DDX10: variants seen among roughly 807,000 people sequenced by gnomAD.
The protein encoded by DDX10 is probable ATP-dependent RNA helicase DDX10.
In DDX10, 74 loss-of-function variants were observed where a neutral mutation model predicts 104.3. That is an observed-to-expected ratio of 0.71 (90% CI 0.59 to 0.86). The LOEUF (loss-of-function observed/expected upper bound fraction) is 0.86, where lower values mean the gene tolerates loss of function less well. DDX10 is among the 40% of genes least tolerant of loss of function. The pLI is 0.00. For synonymous variants in DDX10, 351 were observed against 353.4 expected, an observed-to-expected ratio of 0.99 and a Z score of 0.08; for missense variants, 952 against 1,040.0, an observed-to-expected ratio of 0.92 and a Z score of 1.16.
intron 13 of DDX10, among the ~76,000 whole-genome samples, chr11:108,804,639 G>A (rs891665001): frequency 1.3e-5 from 2 of 152,098 alleles, no homozygotes; most frequent in Non-Finnish European, 2.9e-5. Flanking sequence ...GGTCTCATAA[G>A]GCTGCAATTA....
At chr11:108,898,422 G>A (rs909991891) in intron 16 of DDX10, among the ~76,000 whole-genome samples, 2 of 151,994 alleles carry the variant, frequency 1.3e-5, no homozygotes, top group Non-Finnish European at 2.9e-5. Flanking sequence ...GTCCCCTAGA[G>A]GGTGGAAACC....
At chr11:108,935,459 A>G (rs1321934670) in intron 17 of DDX10, among the ~76,000 whole-genome samples, 1 of 152,218 alleles carries the variant, frequency 6.6e-6, no homozygotes. Context: ...GGCAAGACCA[A>G]GTGGTGCTTG....
chr11:108,779,362 A>G (rs1410510580), intron 13 of DDX10, among the ~76,000 whole-genome samples: 2 of 152,346 alleles, frequency 1.3e-5, no homozygotes, highest in Non-Finnish European at 2.9e-5. Context: ...CAGCCATAAA[A>G]AAGGATGAGT....
At chr11:108,701,675 C>CTTTTTTTTTTTTTTTTTTTTTTTTTTTT (rs55916940) in intron 9 of DDX10, among the ~76,000 whole-genome samples, 1 of 77,392 alleles carries the variant, frequency 1.3e-5, no homozygotes, top group Non-Finnish European at 2.2e-5. Flanking sequence ...TTCTTCTTCT[C>CTTTTTTTTTTTTTTTTTTTTTTTTTTTT]TTTTTTTTTT....
chr11:108,772,896 C>G (rs983223705), intron 13 of DDX10, among the ~76,000 whole-genome samples: 1 of 152,148 alleles, frequency 6.6e-6, no homozygotes, highest in African/African-American at 2.4e-5. Context: ...AAAGGTTGGG[C>G]ATTGTTGGTA....
At chr11:108,907,047 T>C (rs1290776219) in intron 16 of DDX10, among the ~76,000 whole-genome samples, 1 of 152,240 alleles carries the variant, frequency 6.6e-6, no homozygotes, top group Non-Finnish European at 1.5e-5. Flanking sequence ...CTTCCGGTTT[T>C]GGAATATGCT....
chr11:108,732,523 G>A (rs1565261809), intron 13 of DDX10, among the ~76,000 whole-genome samples: 2 of 152,272 alleles, frequency 1.3e-5, no homozygotes, highest in East Asian at 1.9e-4. Context: ...AAATGGAGAC[G>A]AGAGGTACTG....
intron 13 of DDX10, among the ~76,000 whole-genome samples, chr11:108,815,079 A>T (rs1349784620): frequency 6.6e-6 from 1 of 152,222 alleles, no homozygotes; most frequent in Non-Finnish European, 1.5e-5. Flanking sequence ...AAATGTTGCC[A>T]TTCATTTACT....
intron 16 of DDX10, among the ~76,000 whole-genome samples, chr11:108,863,036 T>A (rs1007441994): frequency 1.3e-5 from 2 of 152,248 alleles, no homozygotes; most frequent in Admixed American, 6.5e-5. Context: ...CATATTCATT[T>A]GACTTACCTC....
rs181846475 is a variant in DDX10 at position 108,716,966 on chromosome 11, C to T, written c.1410+1000C>T. 2.0e-4 allele frequency among the ~76,000 whole-genome samples: 31 copies of T among 151,628 alleles called. No individual in the cohort carries two copies. In the East Asian group the frequency reaches 3.9e-3, roughly 19 times the overall value. ...TTAGAATATTCCACAGTAGATTCTT[C>T]GGTAAAAGATGTGAAATTATTTTTC... On this transcript the variant is annotated intron_variant, in intron 11 of 17. Transcript: ENST00000322536.
intron 8 of DDX10, 63 bp downstream of exon 8, chr11:108,692,101 A>G (rs1210986270): frequency 1.4e-6 from 2 of 1,446,062 alleles, no homozygotes; most frequent in African/African-American, 1.4e-5. Flanking sequence ...CTTATAAAGT[A>G]TATTTTGGGA....
intron 10 of DDX10, among the ~76,000 whole-genome samples, chr11:108,708,480 G>A (rs542811163): frequency 6.7e-6 from 1 of 149,652 alleles, no homozygotes; most frequent in African/African-American, 2.5e-5. Context: ...ATACCTAAAT[G>A]TTTCATTTTT....
intron 16 of DDX10, among the ~76,000 whole-genome samples, chr11:108,884,410 T>G (rs1199731774): frequency 6.6e-6 from 1 of 152,144 alleles, no homozygotes; most frequent in Non-Finnish European, 1.5e-5. Context: ...CTCTGCCTGC[T>G]TCCCTCCTCC....
At chr11:108,845,150 G>A (rs1037458055) in intron 15 of DDX10, among the ~76,000 whole-genome samples, 2 of 152,182 alleles carry the variant, frequency 1.3e-5, no homozygotes, top group Non-Finnish European at 2.9e-5. Flanking sequence ...GGAGCTTGCA[G>A]TGAGCCGAGA....
intron 13 of DDX10, among the ~76,000 whole-genome samples, chr11:108,789,734 C>A (rs1313786262): frequency 6.6e-6 from 1 of 152,128 alleles, no homozygotes; most frequent in Non-Finnish European, 1.5e-5. Flanking sequence ...GAAAACACGA[C>A]CATAGGTGGC....
chr11:108,780,704 A>G (rs1428944576), intron 13 of DDX10, among the ~76,000 whole-genome samples: 1 of 152,202 alleles, frequency 6.6e-6, no homozygotes, highest in Admixed American at 6.5e-5. Context: ...TTATTAATGT[A>G]GATGCTTAGG....
intron 13 of DDX10, among the ~76,000 whole-genome samples, chr11:108,836,476 A>G (rs1407607267): frequency 6.6e-6 from 1 of 152,014 alleles, no homozygotes; most frequent in Non-Finnish European, 1.5e-5. Context: ...TTTTAATTGC[A>G]TGGTGGTTTT....
At chr11:108,696,798 C>A (rs2094260499) in intron 9 of DDX10, among the ~76,000 whole-genome samples, 1 of 151,562 alleles carries the variant, frequency 6.6e-6, no homozygotes, top group Admixed American at 6.6e-5. Flanking sequence ...TTTAGATGTG[C>A]CAGTGGTATT....
At chr11:108,902,410 A>C (rs902211181) in intron 16 of DDX10, among the ~76,000 whole-genome samples, 1 of 152,146 alleles carries the variant, frequency 6.6e-6, no homozygotes. Context: ...TTCATGACAT[A>C]ATGAGAAGAG....
Sources: gnomAD v4.1 joint callset for allele counts (sites outside exome capture counted in the v4.1 genomes callset) on GRCh38, gnomAD v4.1.1 for gene constraint, MANE v1.5 for transcripts, NCBI Gene and HGNC (gene_info 2026-07-23, HGNC 2026-07-21) for gene names.